SLC25A2: variants seen among roughly 807,000 people sequenced by gnomAD.
SLC25A2 encodes solute carrier family 25 member 2, also known as mitochondrial ornithine transporter 2.
In SLC25A2, 6 loss-of-function variants were observed where a neutral mutation model predicts 7.4. The observed-to-expected ratio is 0.82, with a 90% CI of 0.45 to 1.61. The LOEUF (loss-of-function observed/expected upper bound fraction) is 1.61, where lower values mean the gene tolerates loss of function less well. SLC25A2 is among the 40% of genes most tolerant of loss of function. SLC25A2 has a pLI of 0.01. For missense variants in SLC25A2, 356 were observed against 377.3 expected (o/e 0.94, Z 0.47); for synonymous variants, 158 against 153.4 (o/e 1.03, Z -0.22).
chr5:141,303,480 A>G lies in SLC25A2; in HGVS notation c.386T>C (p.Leu129Pro). The G allele has an allele frequency of 6.2e-7, 1 of 1,614,180 alleles. No homozygotes were observed. The highest frequency in any genetic ancestry group is 8.5e-7 in the Non-Finnish European group (1 of 1,180,030). ...FAALALCPTE[L>P]VKCRLQTMYE... ...CATGGTCTGTAGCCGGCACTTCACA[A>G]GCTCAGTGGGGCAGAGAGCCAGTGC... The change falls in exon 1 of 1, where the codon CTT becomes CCT. Residue 129 changes from leucine (L) to proline (P), a missense_variant. Coordinates refer to ENST00000239451, the MANE Select transcript of SLC25A2 (RefSeq NM_031947.4).
rs1554296030 is a variant in SLC25A2, at chr5:141,303,118, TAA to T, written c.746_747del (p.Phe249TyrfsTer11). 6.2e-7 allele frequency: 1 copy of T among 1,614,242 alleles called. No homozygotes were observed. The highest frequency in any genetic ancestry group is 8.5e-7 in the Non-Finnish European group (1 of 1,180,040). ...CTCACAACACTTAAGAGGGTACCAA[TAA>T]ATCCTGCCTGTTTCCCATACATGGA... ...VLSMYGKQAG[F>X]IGTLLSVVRN... is the part of the protein sequence containing the mutation. On this transcript the variant is annotated frameshift_variant, in exon 1 of 1. Coordinates refer to ENST00000239451, the MANE Select transcript of SLC25A2 (RefSeq NM_031947.4). LOFTEE classifies it high-confidence loss of function.
chr5:141,303,690 C>G lies in SLC25A2; in HGVS notation c.176G>C (p.Gly59Ala). Residue 59 changes from glycine to alanine, a missense_variant, in exon 1 of 1, where the codon GGT becomes GCT. Transcript: ENST00000239451. ...GGTGCCCTTGTAGAAGCCCCGGAGA[C>G]CCACTTGAGCGTATGTCTTCAGGAA... ...DCFLKTYAQV[G>A]LRGFYKGTGP... is the part of the protein sequence containing the mutation. 6.2e-7 allele frequency: 1 copy of G among 1,614,110 alleles called. No individual in the cohort carries two copies. The highest frequency in any genetic ancestry group is 8.5e-7 in the Non-Finnish European group (1 of 1,179,964).
chr5:141,303,885 G>A lies in SLC25A2; in HGVS notation c.-20C>T. 1.2e-6 allele frequency: 2 copies of A among 1,605,236 alleles called. No homozygotes were observed. The highest frequency in any genetic ancestry group is 8.5e-7 in the Non-Finnish European group (1 of 1,175,266). On this transcript the variant is annotated 5_prime_UTR_variant, in exon 1 of 1. Transcript: ENST00000239451. ...CTTCATGTTCGCTCACTCGTCTGAG[G>A]GTCCCAGTGGAAGGCGACTAACTCC...
Position 141,303,099 on chromosome 5 carries a change from A to G in SLC25A2, c.767T>C (p.Val256Ala), listed in dbSNP as rs373510788. Residue 256 changes from valine (V) to alanine (A), a missense_variant, in exon 1 of 1, where the codon GTT (valine) becomes GCT (alanine). Transcript: ENST00000239451. Reference protein sequence around the residue: ...QAGFIGTLLSVVRNEGIVALY... With the variant: ...QAGFIGTLLSAVRNEGIVALY... ...GGCTACTATTCCTTCATTTCTCACAACACTTAAGAGGGTACCAATAAATCC... is the reference window on the plus strand; with the variant it reads ...GGCTACTATTCCTTCATTTCTCACAGCACTTAAGAGGGTACCAATAAATCC... 1.2e-6 allele frequency: 2 copies of G among 1,614,196 alleles called. No homozygotes were observed. Among genetic ancestry groups the G allele is most frequent in the South Asian group, 1.1e-5 (1 of 91,082 alleles).
Position 141,302,806 on chromosome 5 carries a change from T to C in SLC25A2, c.*154A>G, listed in dbSNP as rs1755926073. ...ATTATATGATGTAAAATAGAGGCCC[T>C]TCCATAAAGTTAAGATTTAGGGTAG... On this transcript the variant is annotated 3_prime_UTR_variant, in exon 1 of 1. Transcript: ENST00000239451. 4 of 672,676 alleles carry C rather than the reference T, an allele frequency of 5.9e-6. No homozygotes were observed. In the South Asian group the frequency reaches 6.6e-5, roughly 11 times the overall value. The allele number at this position is 672,676 out of a possible 1,614,324, so 41.7% of individuals were successfully genotyped here.
chr5:141,303,428 T>C lies in SLC25A2; in HGVS notation c.438A>G (p.Ile146Met). The part of the protein sequence containing the change: ...TMYEMEMSGK[I>M]AKSHNTIWSV... ...ACCAAATTGTATTATGGCTTTTTGC[T>C]ATCTTCCCTGACATCTCCATTTCAT... The change falls in exon 1 of 1, where the codon ATA (isoleucine) becomes ATG (methionine). Residue 146 changes from isoleucine to methionine, a missense_variant. Physicochemically the swap from Ile to Met is conservative, Grantham distance 10 (BLOSUM62 1). Transcript: ENST00000239451. 6.2e-7 allele frequency: 1 copy of C among 1,614,238 alleles called. No homozygotes were observed. The highest frequency in any genetic ancestry group is 8.5e-7 in the Non-Finnish European group (1 of 1,180,046).
In SLC25A2 at chr5:141,303,524, G is replaced by A. The variant is rs782246442; in HGVS notation, c.342C>T (p.Ser114=). The change falls in exon 1 of 1, where the codon TCC becomes TCT. Residue 114 remains serine, a synonymous_variant. Coordinates refer to ENST00000239451, the MANE Select transcript of SLC25A2 (RefSeq NM_031947.4). ...CCAGTGCAGCAAATGCAGAGGCGAA[G>A]GACCCCGCGGCTGCAGTCTGGAGAT... The part of the protein sequence containing the change: ...LSDLQTAAAG[S]FASAFAALAL... 3.7e-6 allele frequency: 6 copies of A among 1,614,088 alleles called. No homozygotes were observed. Among genetic ancestry groups the A allele is most frequent in the Admixed American group, 3.3e-5 (2 of 60,002 alleles).
Position 141,303,503 on chromosome 5 carries a change from T to A in SLC25A2, c.363A>T (p.Ala121=), listed in dbSNP as rs1554296082. The change falls in exon 1 of 1, where the codon GCA becomes GCT. Residue 121 remains alanine (A), a synonymous_variant. Coordinates refer to ENST00000239451, the MANE Select transcript of SLC25A2 (RefSeq NM_031947.4). ...AAGSFASAFA[A]LALCPTELVK... is the part of the protein sequence containing the mutation. The stretch of plus-strand genomic sequence containing the variant: ...CAAGCTCAGTGGGGCAGAGAGCCAG[T>A]GCAGCAAATGCAGAGGCGAAGGACC... 6.2e-7 allele frequency: 1 copy of A among 1,614,218 alleles called. No individual in the cohort carries two copies. The highest frequency in any genetic ancestry group is 1.1e-5 in the South Asian group (1 of 91,082).
chr5:141,303,750 G>C lies in SLC25A2; in HGVS notation c.116C>G (p.Thr39Arg), dbSNP rs781985961. ...GAGGCCCTTGTACAGGTCAGGGAAC[G>C]TCTGCATCTTCACTTTTATTGTGTC... ...PFDTIKVKMQ[T>R]FPDLYKGLTD... The change falls in exon 1 of 1, where the codon ACG becomes AGG. Residue 39 changes from threonine to arginine, a missense_variant. Coordinates refer to ENST00000239451, the MANE Select transcript of SLC25A2 (RefSeq NM_031947.4). 1 of 1,614,106 alleles carries C rather than the reference G, an allele frequency of 6.2e-7. No homozygotes were observed. Among genetic ancestry groups the C allele is most frequent in the African/African-American group, 1.3e-5 (1 of 74,934 alleles).
Position 141,303,651 on chromosome 5 carries a change from A to G in SLC25A2, c.215T>C (p.Met72Thr), listed in dbSNP as rs782327890. The change falls in exon 1 of 1, where the codon ATG (methionine) becomes ACG (threonine). Residue 72 changes from methionine to threonine, a missense_variant. By Grantham distance (81) the Met-to-Thr change is moderately conservative (BLOSUM62 -1). Transcript: ENST00000239451. ...GACCGAGTTTTCGGCGACGTAGGCC[A>G]TAAGTGCCGGGCCGGTGCCCTTGTA... ...GFYKGTGPAL[M>T]AYVAENSVLF... The G allele has an allele frequency of 3.5e-5, 57 of 1,614,156 alleles. No individual in the cohort carries two copies. Among genetic ancestry groups the G allele is most frequent in the Non-Finnish European group, 3.9e-5 (46 of 1,180,058 alleles).
rs781862196 is a variant in SLC25A2 at position 141,303,840 on chromosome 5, G to A, written c.26C>T (p.Ala9Val). The change falls in exon 1 of 1, where the codon GCC becomes GTC. Residue 9 changes from alanine to valine, a missense_variant. By Grantham distance (64) the Ala-to-Val change is moderately conservative. Transcript: ENST00000239451. ...GGCCCCCGCTGTGAGGTCGATGGCG[G>A]CTTGGATGCCAGGACCGGACTTCAT... MKSGPGIQ[A>V]AIDLTAGAAG... 1.2e-6 allele frequency: 2 copies of A among 1,613,870 alleles called. No individual in the cohort carries two copies. The highest frequency in any genetic ancestry group is 1.7e-6 in the Non-Finnish European group (2 of 1,179,870).
rs782488538 is a variant in SLC25A2, at chr5:141,303,764, T to TTTTA, written c.98_101dup (p.Lys34AsnfsTer10). 2.5e-6 allele frequency: 4 copies of TTTTA among 1,614,068 alleles called. No homozygotes were observed. The Admixed American group carries it at 5.0e-5, about 20-fold the overall frequency. On this transcript the variant is annotated frameshift_variant, in exon 1 of 1. Coordinates refer to ENST00000239451, the MANE Select transcript of SLC25A2 (RefSeq NM_031947.4). LOFTEE classifies it high-confidence loss of function. The stretch of plus-strand genomic sequence containing the variant: ...GGTCAGGGAACGTCTGCATCTTCAC[T>TTTTA]TTTATTGTGTCGAAGGGCTGCCCAG...
rs782193527 is a variant in SLC25A2, at chr5:141,303,626, G to C, written c.240C>G (p.Val80=). The C allele has an allele frequency of 6.2e-7, 1 of 1,614,108 alleles. No homozygotes were observed. Among genetic ancestry groups the C allele is most frequent in the African/African-American group, 1.3e-5 (1 of 74,938 alleles). ...GGCAGAACCCGTAGCACATGAAGAG[G>C]ACCGAGTTTTCGGCGACGTAGGCCA... The part of the protein sequence containing the change: ...ALMAYVAENS[V]LFMCYGFCQQ... Residue 80 remains valine, a synonymous_variant, in exon 1 of 1, where the codon GTC becomes GTG. Coordinates refer to ENST00000239451, the MANE Select transcript of SLC25A2 (RefSeq NM_031947.4).
rs782611871 is a variant in SLC25A2, at chr5:141,302,999, G to A, written c.867C>T (p.Tyr289=). 6.2e-7 allele frequency: 1 copy of A among 1,613,814 alleles called. No homozygotes were observed. The highest frequency in any genetic ancestry group is 1.7e-5 in the Admixed American group (1 of 59,968). The change falls in exon 1 of 1, where the codon TAC becomes TAT. Residue 289 remains tyrosine (Y), a synonymous_variant. Transcript: ENST00000239451. ...ANGALFVAYE[Y]SRKMMMKQLE... ...ACTGTTTCATCATCATCTTCCTGCTGTATTCGTAGGCCACAAACAGTGCCC... is the reference window on the plus strand; with the variant it reads ...ACTGTTTCATCATCATCTTCCTGCTATATTCGTAGGCCACAAACAGTGCCC...
In SLC25A2 at chr5:141,302,821, A is replaced by AT; in HGVS notation, c.*138dup. 2.7e-6 allele frequency: 2 copies of AT among 754,042 alleles called. No individual in the cohort carries two copies. The highest frequency in any genetic ancestry group is 4.2e-6 in the Non-Finnish European group (2 of 480,668). 46.7% of individuals were successfully genotyped at this position (754,042 alleles called of 1,614,324 possible). On this transcript the variant is annotated 3_prime_UTR_variant, in exon 1 of 1. Transcript: ENST00000239451. ...ATAGAGGCCCTTCCATAAAGTTAAG[A>AT]TTTAGGGTAGAAGAAGGGAAGATAA...
Position 141,302,753 on chromosome 5 carries a change from T to G in SLC25A2, c.*207A>C. On this transcript the variant is annotated 3_prime_UTR_variant, in exon 1 of 1. Transcript: ENST00000239451. ...CCAGCAAGTGCAAGAGCAGCAACTT[T>G]CCTATTTCAATACAATTATGGGCAG... 2 of 542,958 alleles carry G rather than the reference T, an allele frequency of 3.7e-6. No homozygotes were observed. 33.6% of individuals were successfully genotyped at this position (542,958 alleles called of 1,614,324 possible).
chr5:141,302,821 A>T lies in SLC25A2; in HGVS notation c.*139T>A. 1 of 754,042 alleles carries T rather than the reference A, an allele frequency of 1.3e-6. No individual in the cohort carries two copies. Among genetic ancestry groups the T allele is most frequent in the Non-Finnish European group, 2.1e-6 (1 of 480,668 alleles). The allele number at this position is 754,042 out of a possible 1,614,324, so 46.7% of individuals were successfully genotyped here. A position where few individuals can be genotyped will look rare whatever the true frequency, so the allele number is the denominator to read the frequency against. ...ATAGAGGCCCTTCCATAAAGTTAAG[A>T]TTTAGGGTAGAAGAAGGGAAGATAA... On this transcript the variant is annotated 3_prime_UTR_variant, in exon 1 of 1. Transcript: ENST00000239451.
Position 141,302,856 on chromosome 5 carries a change from TC to T in SLC25A2, c.*103del. On this transcript the variant is annotated 3_prime_UTR_variant, in exon 1 of 1. Transcript: ENST00000239451. ...GAAGAAGGGAAGATAAAACCAAAAT[TC>T]CCATGAAGTCAAAATTAGACAGTGG... The T allele has an allele frequency of 6.3e-6, 8 of 1,271,980 alleles. No homozygotes were observed. The highest frequency in any genetic ancestry group is 7.5e-6 in the Non-Finnish European group (7 of 935,620). The allele number at this position is 1,271,980 out of a possible 1,614,324, so 78.8% of individuals were successfully genotyped here.
chr5:141,303,528 C>A lies in SLC25A2; in HGVS notation c.338G>T (p.Gly113Val), dbSNP rs1554296086. ...KLSDLQTAAA[G>V]SFASAFAALA... ...TGCAGCAAATGCAGAGGCGAAGGAC[C>A]CCGCGGCTGCAGTCTGGAGATCACT... The change falls in exon 1 of 1, where the codon GGG becomes GTG. Residue 113 changes from glycine to valine, a missense_variant. Coordinates refer to ENST00000239451, the MANE Select transcript of SLC25A2 (RefSeq NM_031947.4). 1 of 1,614,212 alleles carries A rather than the reference C, an allele frequency of 6.2e-7. No homozygotes were observed. The highest frequency in any genetic ancestry group is 1.1e-5 in the South Asian group (1 of 91,088).
Sources: allele counts gnomAD v4.1 joint callset, GRCh38; gene constraint gnomAD v4.1.1; transcripts MANE v1.5; gene names NCBI Gene and HGNC (gene_info 2026-07-23, HGNC 2026-07-21).